KMT2D: variants seen among roughly 807,000 people sequenced by gnomAD.
The protein encoded by KMT2D is histone-lysine N-methyltransferase 2D.
In KMT2D, 55 loss-of-function variants were observed where a neutral mutation model predicts 512.7. The ratio of observed to expected loss-of-function variants is 0.11; its 90% CI spans 0.09 to 0.13. The LOEUF (loss-of-function observed/expected upper bound fraction) is 0.13, where lower values mean the gene tolerates loss of function less well. KMT2D is among the 10% of genes least tolerant of loss of function. The pLI, the probability that KMT2D is intolerant of heterozygous loss-of-function variation, is 1.00. For missense variants in KMT2D, 6,061 were observed against 7,127.9 expected, an observed-to-expected ratio of 0.85 and a Z score of 5.39; for synonymous variants, 2,995 against 2,904.0, an observed-to-expected ratio of 1.03 and a Z score of -1.01.
Position 49,031,254 on chromosome 12 carries a change from C to G in KMT2D, c.13451G>C (p.Arg4484Pro). 6.2e-7 allele frequency: 1 copy of G among 1,613,140 alleles called. No homozygotes were observed. Among genetic ancestry groups the G allele is most frequent in the Non-Finnish European group, 8.5e-7 (1 of 1,179,758 alleles). The change falls in exon 40 of 55, where the codon CGA (arginine) becomes CCA (proline). Residue 4484 changes from arginine to proline, a missense_variant. Arg to Pro is a moderately radical substitution (Grantham distance 103). Transcript: ENST00000301067. Reference protein sequence around the residue: ...LSTGRGSEGLRAEINGHIDSK... With the variant: ...LSTGRGSEGLPAEINGHIDSK... ...GTCAATGTGCCCGTTGATCTCAGCT[C>G]GCAGCCCCTCGGACCCCCGCCCAGT... is the stretch of plus-strand genomic sequence containing the variant.
In KMT2D at chr12:49,030,638, G is replaced by A. The variant is rs2120406134; in HGVS notation, c.13802C>T (p.Pro4601Leu). ...CTGGGAATAGTAGTCAGGGCCAGTG[G>A]GCAGCGCCCCACTTCCAAAGGCCCC... ...LRGAFGSGAL[P>L]TGPDYYSQLL... Residue 4601 changes from proline to leucine, a missense_variant, in exon 42 of 55, where the codon CCC (proline) becomes CTC (leucine). Transcript: ENST00000301067. The A allele has an allele frequency of 6.2e-7, 1 of 1,605,098 alleles. No homozygotes were observed. The highest frequency in any genetic ancestry group is 8.5e-7 in the Non-Finnish European group (1 of 1,175,500).
At position 49,021,809 on chromosome 12, in the gene KMT2D, C is replaced by A; in HGVS notation, c.16585G>T (p.Ala5529Ser). 6.2e-7 allele frequency: 1 copy of A among 1,614,006 alleles called. No individual in the cohort carries two copies. ...DQHKIPCHCG[A>S]WNCRKWMN ...TTCATCCATTTCCGACAATTCCAGG[C>A]TCCACAGTGGCAGGGGATCTTGTGC... is the stretch of plus-strand genomic sequence containing the variant. Residue 5529 changes from alanine to serine, a missense_variant, in exon 55 of 55, where the codon GCC (alanine) becomes TCC (serine). This residue lies in a region of KMT2D where 44 missense variants were observed against 194.7 expected (regional missense o/e 0.23). Coordinates refer to ENST00000301067, the MANE Select transcript of KMT2D (RefSeq NM_003482.4).
Position 49,044,065 on chromosome 12 carries a change from C to T in KMT2D, c.5189-67G>A. ...GCTGCTCCCAACTTGCAGGGTGACA[C>T]TTTGTGCCTACTCTCTCCCACAACA... is the stretch of plus-strand genomic sequence containing the variant. On this transcript the variant is annotated intron_variant, in intron 22 of 54. Coordinates refer to ENST00000301067, the MANE Select transcript of KMT2D (RefSeq NM_003482.4). This position sits in a 1 kb window ranked among gnomAD's most constrained non-coding sequence, Gnocchi z 6.4. 6.2e-7 allele frequency: 1 copy of T among 1,605,120 alleles called. No homozygotes were observed. The highest frequency in any genetic ancestry group is 8.5e-7 in the Non-Finnish European group (1 of 1,175,122).
In KMT2D at chr12:49,040,120, A is replaced by T. The variant is rs1943433984; in HGVS notation, c.7650T>A (p.Pro2550=). 1 of 1,613,742 alleles carries T rather than the reference A, an allele frequency of 6.2e-7. No individual in the cohort carries two copies. The stretch of plus-strand genomic sequence containing the variant: ...GTGGCGGGAGACCAGGCTGAGGGAC[A>T]GGGGGCTTTAGGGAAGGCTCCCCTA... ...QAVGEPSLKP[P]VPQPGLPPPH... Residue 2550 remains proline (P), a synonymous_variant, in exon 32 of 55, where the codon CCT becomes CCA. Transcript: ENST00000301067.
chr12:49,038,564 G>A lies in KMT2D; in HGVS notation c.8792C>T (p.Pro2931Leu), dbSNP rs1296692918. ...LRGLAVSGLP[P>L]QKPSAPPAPE... Reference sequence around the variant, plus strand: ...GGCCGGTGGGGCTGAGGGTTTCTGTGGGGGAAGACCTGATACCGCCAGGCC... The same window carrying A: ...GGCCGGTGGGGCTGAGGGTTTCTGTAGGGGAAGACCTGATACCGCCAGGCC... The change falls in exon 35 of 55, where the codon CCA becomes CTA. Residue 2931 changes from proline (P) to leucine (L), a missense_variant. Coordinates refer to ENST00000301067, the MANE Select transcript of KMT2D (RefSeq NM_003482.4). The surrounding 1 kb of genome is among the most constrained non-coding windows in gnomAD (Gnocchi z 5.7). 2 of 1,612,296 alleles carry A rather than the reference G, an allele frequency of 1.2e-6. No individual in the cohort carries two copies. Among genetic ancestry groups the A allele is most frequent in the Admixed American group, 1.7e-5 (1 of 60,004 alleles).
At chr12:49,053,866 G>T in intron 6 of KMT2D, 112 bp downstream of exon 6, 1 of 1,255,570 alleles carries the variant, frequency 8.0e-7, no homozygotes, top group Non-Finnish European at 1.1e-6. Context: ...TTTTAGTGGG[G>T]CAGACCAACA....
In KMT2D at chr12:49,046,349, A is replaced by C. The variant is rs2120604872; in HGVS notation, c.4494T>G (p.Cys1498Trp). ...HCEWQNSYTH[C>W]GPCASLVTCP... ...AGGTCACCAGGCTGGCACAGGGCCCACAGTGTGTGTAACTATTCTGCCATT... is the reference window on the plus strand; with the variant it reads ...AGGTCACCAGGCTGGCACAGGGCCCCCAGTGTGTGTAACTATTCTGCCATT... Residue 1498 changes from cysteine (C) to tryptophan (W), a missense_variant, in exon 17 of 55, where the codon TGT becomes TGG. By Grantham distance (215) the Cys-to-Trp change is radical. Coordinates refer to ENST00000301067, the MANE Select transcript of KMT2D (RefSeq NM_003482.4). This position sits in a 1 kb window ranked among gnomAD's most constrained non-coding sequence, Gnocchi z 4.2. 1 of 1,613,994 alleles carries C rather than the reference A, an allele frequency of 6.2e-7. No individual in the cohort carries two copies. Among genetic ancestry groups the C allele is most frequent in the Non-Finnish European group, 8.5e-7 (1 of 1,179,882 alleles).
intron 44 of KMT2D, 38 bp downstream of exon 44, chr12:49,029,363 C>A (rs1006426874): frequency 1.3e-6 from 2 of 1,556,426 alleles, no homozygotes; most frequent in African/African-American, 2.7e-5. Flanking sequence ...CTGTACCCCA[C>A]CCTTGTTCCT....
chr12:49,026,093 C>G lies in KMT2D; in HGVS notation c.15784+89G>C, dbSNP rs1457051891. The stretch of plus-strand genomic sequence containing the variant: ...GGAAGGAGGATCATTCACATAGAAG[C>G]TACAGGTCCTCTTATAGACATTGTA... On this transcript the variant is annotated intron_variant, in intron 49 of 54. Coordinates refer to ENST00000301067, the MANE Select transcript of KMT2D (RefSeq NM_003482.4). This position sits in a 1 kb window ranked among gnomAD's most constrained non-coding sequence, Gnocchi z 9.6. 1.6e-6 allele frequency: 2 copies of G among 1,272,742 alleles called. No homozygotes were observed. The highest frequency in any genetic ancestry group is 2.3e-5 in the East Asian group (1 of 42,618). The allele number at this position is 1,272,742 out of a possible 1,614,324, so 78.8% of individuals were successfully genotyped here.
Position 49,032,220 on chromosome 12 carries a change from CGCTCTAGCATGGGCT to C in KMT2D, c.12470_12484del (p.Gln4157_Glu4161del). The C allele has an allele frequency of 1.2e-6, 2 of 1,613,310 alleles. No homozygotes were observed. The highest frequency in any genetic ancestry group is 2.2e-5 in the South Asian group (2 of 91,060). ...TGGCCCTGTATTATTTTGCATGGGC[CGCTCTAGCATGGGCT>C]GTTGGGGGCCCAGAAGGTTCTGGGT... is the stretch of plus-strand genomic sequence containing the variant. On this transcript the variant is annotated inframe_deletion, in exon 40 of 55. Coordinates refer to ENST00000301067, the MANE Select transcript of KMT2D (RefSeq NM_003482.4).
intron 1 of KMT2D, among the ~76,000 whole-genome samples, chr12:49,057,170 C>A (rs1938459806): frequency 6.6e-6 from 1 of 152,144 alleles, no homozygotes; most frequent in Non-Finnish European, 1.5e-5. Flanking sequence ...GCAGCCAGGC[C>A]CCTCTTCCAT....
Position 49,027,914 on chromosome 12 carries a change from A to G in KMT2D, c.14532T>C (p.Gly4844=). The G allele has an allele frequency of 1.2e-6, 2 of 1,613,668 alleles. No homozygotes were observed. Among genetic ancestry groups the G allele is most frequent in the Non-Finnish European group, 1.7e-6 (2 of 1,179,814 alleles). The change falls in exon 48 of 55, where the codon GGT becomes GGC. Residue 4844 remains glycine (G), a synonymous_variant. Coordinates refer to ENST00000301067, the MANE Select transcript of KMT2D (RefSeq NM_003482.4). Reference sequence around the variant, plus strand: ...CAGTGTCTGGGCTCTTGCCTTCCAGACCCTTTTCCTTCCCACCTGCAGAAA... The same window carrying G: ...CAGTGTCTGGGCTCTTGCCTTCCAGGCCCTTTTCCTTCCCACCTGCAGAAA... The part of the protein sequence containing the change: ...EAEGPGGKEK[G]LEGKSPDTGP...
At chr12:49,037,101 G>C (rs2120473816) in intron 35 of KMT2D, 24 bp downstream of exon 35, 1 of 1,539,560 alleles carries the variant, frequency 6.5e-7, no homozygotes, top group African/African-American at 1.4e-5. Context: ...TGAGTAACTT[G>C]GCTATGTTAC....
rs1234500135 is a variant in KMT2D at position 49,049,223 on chromosome 12, G to A, written c.3907-5C>T. ...TGGGAAACTGCTGCTGCGACCCTGA[G>A]TGAAAGAAGGGGACAATGACAGGAG... On this transcript the variant is annotated splice_region_variant and splice_polypyrimidine_tract_variant and intron_variant, in intron 12 of 54. Coordinates refer to ENST00000301067, the MANE Select transcript of KMT2D (RefSeq NM_003482.4). 6.4e-7 allele frequency: 1 copy of A among 1,572,066 alleles called. No individual in the cohort carries two copies. The highest frequency in any genetic ancestry group is 8.7e-7 in the Non-Finnish European group (1 of 1,150,466).
rs760464652 is a variant in KMT2D at position 49,044,549 on chromosome 12, G to A, written c.4964-27C>T. On this transcript the variant is annotated intron_variant, in intron 20 of 54. Coordinates refer to ENST00000301067, the MANE Select transcript of KMT2D (RefSeq NM_003482.4). This position sits in a 1 kb window ranked among gnomAD's most constrained non-coding sequence, Gnocchi z 6.4. Reference sequence around the variant, plus strand: ...TGCGTATGGTGACAGAAGAGATGGAGGCAAATCAGAACTATAGGCCCTTTT... The same window carrying A: ...TGCGTATGGTGACAGAAGAGATGGAAGCAAATCAGAACTATAGGCCCTTTT... 3.1e-6 allele frequency: 5 copies of A among 1,611,928 alleles called. No individual in the cohort carries two copies. The highest frequency in any genetic ancestry group is 4.2e-6 in the Non-Finnish European group (5 of 1,178,958).
rs368584537 is a variant in KMT2D, at chr12:49,050,593, T to C, written c.2995A>G (p.Met999Val). 1.1e-5 allele frequency: 18 copies of C among 1,606,660 alleles called. No individual in the cohort carries two copies. Among genetic ancestry groups the C allele is most frequent in the African/African-American group, 5.4e-5 (4 of 74,448 alleles). Reference protein sequence around the residue: ...NCTDPEPVPPMILPPSPGSPV... With the variant: ...NCTDPEPVPPVILPPSPGSPV... ...GAGCCTGGAGATGGGGGAAGGATCA[T>C]AGGGGGGACAGGCTCAGGGTCAGTG... is the stretch of plus-strand genomic sequence containing the variant. Residue 999 changes from methionine to valine, a missense_variant, in exon 12 of 55, where the codon ATG becomes GTG. By Grantham distance (21) the Met-to-Val change is conservative. Coordinates refer to ENST00000301067, the MANE Select transcript of KMT2D (RefSeq NM_003482.4).
chr12:49,050,064 G>A lies in KMT2D; in HGVS notation c.3524C>T (p.Thr1175Ile), dbSNP rs756582036. ...PMEVYPECKQ[T>I]AGQGSPCEEQ... ...TTCACATGGTGAGCCCTGCCCTGCTGTCTGCTTGCATTCGGGGTAGACCTC... is the reference window on the plus strand; with the variant it reads ...TTCACATGGTGAGCCCTGCCCTGCTATCTGCTTGCATTCGGGGTAGACCTC... The change falls in exon 12 of 55, where the codon ACA becomes ATA. Residue 1175 changes from threonine to isoleucine, a missense_variant. By Grantham distance (89) the Thr-to-Ile change is moderately conservative (BLOSUM62 -1). Transcript: ENST00000301067. 2.5e-6 allele frequency: 4 copies of A among 1,613,818 alleles called. No homozygotes were observed. Among genetic ancestry groups the A allele is most frequent in the Non-Finnish European group, 3.4e-6 (4 of 1,179,886 alleles).
intron 51 of KMT2D, among the ~76,000 whole-genome samples, chr12:49,023,092 G>A (rs1325380333): frequency 1.3e-5 from 2 of 152,100 alleles, no homozygotes; most frequent in African/African-American, 4.8e-5. Context: ...TGACACCCTG[G>A]GTGGCACAGA....
At position 49,034,941 on chromosome 12, in the gene KMT2D, G is replaced by C. The variant is rs2120462409; in HGVS notation, c.10232-6C>G. 1.2e-6 allele frequency: 2 copies of C among 1,613,940 alleles called. No homozygotes were observed. Among genetic ancestry groups the C allele is most frequent in the Non-Finnish European group, 1.7e-6 (2 of 1,179,860 alleles). On this transcript the variant is annotated splice_polypyrimidine_tract_variant and splice_region_variant and intron_variant, in intron 35 of 54. Coordinates refer to ENST00000301067, the MANE Select transcript of KMT2D (RefSeq NM_003482.4). ...TGCAGCAAATTTGTCCAGGTCTGGA[G>C]AGGGGAGAACCAAGTGAGCTGGGCT...
Sources: allele counts gnomAD v4.1 joint callset (sites outside exome capture counted in the v4.1 genomes callset), GRCh38; gene constraint gnomAD v4.1.1; regional missense constraint gnomAD v4.1.1; non-coding constraint Gnocchi (gnomAD v3.1); transcripts MANE v1.5; gene names NCBI Gene and HGNC (gene_info 2026-07-23, HGNC 2026-07-21).